Variants in SMYD3 observed in about 807,000 individuals in gnomAD.
SMYD3 encodes histone-lysine N-methyltransferase SMYD3.
Under a neutral mutation model 57.7 loss-of-function variants are expected in SMYD3, and 36 were observed. The observed-to-expected ratio is 0.62, with a 90% CI of 0.48 to 0.82. The LOEUF (loss-of-function observed/expected upper bound fraction) is 0.82. Among genes scored for constraint, SMYD3 ranks in the 40% least tolerant of loss-of-function variants. The probability of loss-of-function intolerance (pLI) is 0.00; values close to 1 mark genes in which losing one functional copy is unlikely to be tolerated. For missense variants in SMYD3, 515 were observed against 538.8 expected (o/e 0.96, Z 0.44); for synonymous variants, 211 against 195.0 (o/e 1.08, Z -0.68).
At chr1:245,876,783 A>G (rs974796279) in intron 8 of SMYD3, among the ~76,000 whole-genome samples, 1 of 152,210 alleles carries the variant, frequency 6.6e-6, no homozygotes, top group Non-Finnish European at 1.5e-5. Flanking sequence ...TGAAACGGCC[A>G]AACAAATGTA....
At chr1:246,462,927 G>A (rs2067824799) in intron 1 of SMYD3, among the ~76,000 whole-genome samples, 1 of 152,154 alleles carries the variant, frequency 6.6e-6, no homozygotes, top group South Asian at 2.1e-4. Context: ...CTAAGAGGCT[G>A]TGGCAGGGAT....
At chr1:246,390,066 G>C (rs554443949) in intron 1 of SMYD3, among the ~76,000 whole-genome samples, 6 of 151,980 alleles carry the variant, frequency 3.9e-5, no homozygotes, top group African/African-American at 1.4e-4. Flanking sequence ...AGACAAAAAG[G>C]GAAAAACCTT....
At chr1:246,407,860 T>TAAAG (rs1381023420) in intron 1 of SMYD3, among the ~76,000 whole-genome samples, 1 of 150,118 alleles carries the variant, frequency 6.7e-6, no homozygotes, top group African/African-American at 2.4e-5. Flanking sequence ...AATAAATAAA[T>TAAAG]AAATAAATTA....
At chr1:246,386,245 T>C (rs555981254) in intron 1 of SMYD3, among the ~76,000 whole-genome samples, 1 of 152,246 alleles carries the variant, frequency 6.6e-6, no homozygotes, top group African/African-American at 2.4e-5. Flanking sequence ...GACCACCAGT[T>C]AGGTTTATCG....
At chr1:246,197,616 A>C (rs2062845794) in intron 5 of SMYD3, among the ~76,000 whole-genome samples, 1 of 147,288 alleles carries the variant, frequency 6.8e-6, no homozygotes, top group Non-Finnish European at 1.5e-5. Flanking sequence ...TACCAAGAGA[A>C]GCCTAAAGCA....
chr1:246,245,597 CA>C (rs1437315398), intron 5 of SMYD3, among the ~76,000 whole-genome samples: 1 of 142,996 alleles, frequency 7.0e-6, no homozygotes, highest in Non-Finnish European at 1.5e-5. Context: ...CAAATCAAAA[CA>C]AAAGTAAAAA....
intron 10 of SMYD3, among the ~76,000 whole-genome samples, chr1:245,780,600 T>C (rs573175144): frequency 2.8e-4 from 43 of 152,238 alleles, no homozygotes; most frequent in African/African-American, 9.9e-4. Context: ...TGTTCTGGAA[T>C]TAAATTATGG....
At chr1:246,133,798 A>T (rs1195511988) in intron 5 of SMYD3, among the ~76,000 whole-genome samples, 2 of 152,200 alleles carry the variant, frequency 1.3e-5, no homozygotes, top group African/African-American at 4.8e-5. Flanking sequence ...GTCAAAAAAA[A>T]GCTTGAAAAC....
In SMYD3 at chr1:245,957,975, A is replaced by G. The variant is rs539016251; in HGVS notation, c.532-28038T>C. The stretch of plus-strand genomic sequence containing the variant: ...TTAATCTAATGTTAGAACTCCTAGC[A>G]GACAAGGTAGGGACGCTGAATGTAA... On this transcript the variant is annotated intron_variant, in intron 5 of 11. Coordinates refer to ENST00000490107, the MANE Select transcript of SMYD3 (RefSeq NM_001167740.2). 1.5e-4 allele frequency among the ~76,000 whole-genome samples: 23 copies of G among 152,272 alleles called. No homozygotes were observed. In the East Asian group the frequency reaches 3.9e-3, roughly 26 times the overall value.
At chr1:246,131,096 T>C (rs1270726091) in intron 5 of SMYD3, among the ~76,000 whole-genome samples, 15 of 152,158 alleles carry the variant, frequency 9.9e-5, no homozygotes, top group Non-Finnish European at 2.1e-4. Flanking sequence ...AAATTTAAAA[T>C]CAGCACATGT....
chr1:245,756,286 C>T (rs890027261), intron 11 of SMYD3, among the ~76,000 whole-genome samples: 3 of 151,622 alleles, frequency 2.0e-5, no homozygotes, highest in African/African-American at 7.3e-5. Flanking sequence ...TTACCCTCCC[C>T]CACTCCCCCA....
intron 10 of SMYD3, among the ~76,000 whole-genome samples, chr1:245,849,415 G>A (rs766625361): frequency 1.1e-4 from 16 of 152,184 alleles, no homozygotes; most frequent in Admixed American, 2.6e-4. Context: ...CAGTTACCTT[G>A]AGGGGGTTTG....
intron 1 of SMYD3, among the ~76,000 whole-genome samples, chr1:246,463,661 C>CAAAAAAAAAAAAAAAAA (rs35482116): frequency 5.5e-5 from 4 of 73,120 alleles, no homozygotes; most frequent in African/African-American, 1.7e-4. Flanking sequence ...ACTAAAAATA[C>CAAAAAAAAAAAAAAAAA]AAAAAAAAAA....
intron 5 of SMYD3, among the ~76,000 whole-genome samples, chr1:245,966,653 A>G (rs1313775099): frequency 6.6e-6 from 1 of 152,158 alleles, no homozygotes; most frequent in African/African-American, 2.4e-5. Flanking sequence ...GAGAATATCA[A>G]CCAGAGTGCT....
At chr1:246,044,045 C>T (rs898124001) in intron 5 of SMYD3, among the ~76,000 whole-genome samples, 17 of 152,190 alleles carry the variant, frequency 1.1e-4, no homozygotes, top group Admixed American at 7.9e-4. Flanking sequence ...CAGTGAGGTT[C>T]TTTCACAGCC....
At chr1:246,041,471 TTC>T (rs1481270610) in intron 5 of SMYD3, among the ~76,000 whole-genome samples, 1 of 152,206 alleles carries the variant, frequency 6.6e-6, no homozygotes, top group Non-Finnish European at 1.5e-5. Context: ...AATAGTAAGT[TTC>T]TTATTAGCTT....
intron 5 of SMYD3, among the ~76,000 whole-genome samples, chr1:245,954,834 G>A (rs1250695834): frequency 6.6e-6 from 1 of 152,072 alleles, no homozygotes; most frequent in African/African-American, 2.4e-5. Context: ...AACTTTCCAA[G>A]TCAATCTCTC....
chr1:245,952,193 A>AT (rs1362502500), intron 5 of SMYD3, among the ~76,000 whole-genome samples: 1 of 152,336 alleles, frequency 6.6e-6, no homozygotes, highest in African/African-American at 2.4e-5. Flanking sequence ...GAGGGAGATT[A>AT]TTACTGTAAA....
intron 5 of SMYD3, among the ~76,000 whole-genome samples, chr1:246,248,508 T>C (rs10924620): frequency 0.21 from 31,497 of 151,994 alleles, 3,978 homozygotes; most frequent in East Asian, 0.58. Context: ...TCTCTTCCCA[T>C]GTCAAAGCTG....
Sources: gnomAD v4.1 joint callset for allele counts (sites outside exome capture counted in the v4.1 genomes callset) on GRCh38, gnomAD v4.1.1 for gene constraint, MANE v1.5 for transcripts, NCBI Gene and HGNC (gene_info 2026-07-23, HGNC 2026-07-21) for gene names.